CEP112: variants seen among roughly 807,000 people sequenced by gnomAD.
CEP112 encodes the protein centrosomal protein of 112 kDa.
Under a neutral mutation model 153.0 loss-of-function variants are expected in CEP112, and 127 were observed. The observed-to-expected ratio is 0.83, with a 90% confidence interval of 0.72 to 0.96. The LOEUF (loss-of-function observed/expected upper bound fraction) is 0.96, where lower values mean the gene tolerates loss of function less well. Among genes scored for constraint, CEP112 ranks in the 40% least tolerant of loss-of-function variants. The pLI, the probability that CEP112 is intolerant of heterozygous loss-of-function variation, is 0.00. For missense variants in CEP112, 1,089 were observed against 1,101.2 expected (o/e 0.99, Z 0.16); for synonymous variants, 358 against 374.4 (o/e 0.96, Z 0.51).
chr17:65,782,984 T>A (rs1029303916), intron 21 of CEP112, among the ~76,000 whole-genome samples: 9 of 150,932 alleles, frequency 6.0e-5, no homozygotes, highest in East Asian at 3.9e-4. Flanking sequence ...GAAAAAAAAA[T>A]AAAAATAAAA....
intron 12 of CEP112, among the ~76,000 whole-genome samples, chr17:66,033,310 A>G (rs2065573869): frequency 6.6e-6 from 1 of 152,246 alleles, no homozygotes; most frequent in Non-Finnish European, 1.5e-5. Flanking sequence ...AAAGTCACAC[A>G]GAATGAAGAA....
At chr17:65,932,636 T>C (rs1208563260) in intron 18 of CEP112, among the ~76,000 whole-genome samples, 5 of 152,116 alleles carry the variant, frequency 3.3e-5, no homozygotes, top group African/African-American at 7.2e-5. Flanking sequence ...CTTACAATCA[T>C]GGCAGAAGGC....
At position 66,079,359 on chromosome 17, in the gene CEP112, T is replaced by G. The variant is rs187844809; in HGVS notation, c.769-9358A>C. 6.6e-5 allele frequency among the ~76,000 whole-genome samples: 10 copies of G among 152,178 alleles called. No homozygotes were observed. In the East Asian group the frequency reaches 1.9e-3, roughly 29 times the overall value. On this transcript the variant is annotated intron_variant, in intron 8 of 26. Transcript: ENST00000535342. ...AAAGGCAAAAAATTAGAATAAAGTTTATCAAAAAAGGCAAGAAATATGACA... is the reference window on the plus strand; with the variant it reads ...AAAGGCAAAAAATTAGAATAAAGTTGATCAAAAAAGGCAAGAAATATGACA...
chr17:66,117,142 C>T (rs1455701024), intron 6 of CEP112, among the ~76,000 whole-genome samples: 1 of 152,090 alleles, frequency 6.6e-6, no homozygotes, highest in Non-Finnish European at 1.5e-5. Context: ...GATCCACTCG[C>T]CTCAATCTCC....
intron 25 of CEP112, among the ~76,000 whole-genome samples, chr17:65,640,173 T>TTTTTTA (rs1784908307): frequency 1.8e-5 from 2 of 108,702 alleles, no homozygotes; most frequent in African/African-American, 7.2e-5. Context: ...TTTTTTTTTT[T>TTTTTTA]GAGACAGTCT....
At chr17:65,723,547 C>A (rs2050012032) in intron 23 of CEP112, among the ~76,000 whole-genome samples, 1 of 152,110 alleles carries the variant, frequency 6.6e-6, no homozygotes, top group Non-Finnish European at 1.5e-5. Flanking sequence ...TACAGGCTAA[C>A]ATCACTTGCG....
intron 17 of CEP112, among the ~76,000 whole-genome samples, chr17:66,005,299 T>C (rs1369153610): frequency 6.6e-6 from 1 of 152,178 alleles, no homozygotes; most frequent in East Asian, 1.9e-4. Context: ...AATGCCTGTA[T>C]AGTAATCCAT....
intron 24 of CEP112, chr17:65,655,461 G>C: frequency 2.1e-6 from 2 of 967,748 alleles, no homozygotes; most frequent in South Asian, 1.3e-5. Flanking sequence ...ATGGGCCACA[G>C]TGTTTATGTA....
At chr17:66,175,890 A>G (rs181292569) in intron 3 of CEP112, among the ~76,000 whole-genome samples, 5 of 152,344 alleles carry the variant, frequency 3.3e-5, no homozygotes, top group Admixed American at 3.3e-4. Flanking sequence ...TTTCTAAAGA[A>G]AACTCTGCAT....
intron 21 of CEP112, among the ~76,000 whole-genome samples, chr17:65,842,133 A>G (rs1213192856): frequency 6.6e-6 from 1 of 152,110 alleles, no homozygotes; most frequent in African/African-American, 2.4e-5. Flanking sequence ...GACAAAATCA[A>G]TAACCTCTGA....
chr17:66,085,625 A>C (rs2067892202), intron 8 of CEP112, among the ~76,000 whole-genome samples: 1 of 152,250 alleles, frequency 6.6e-6, no homozygotes, highest in Admixed American at 6.5e-5. Flanking sequence ...AATTATGAAT[A>C]AGAATGGGGT....
chr17:66,003,299 CT>C (rs778447493), intron 17 of CEP112, among the ~76,000 whole-genome samples: 3 of 152,166 alleles, frequency 2.0e-5, no homozygotes, highest in Non-Finnish European at 2.9e-5. Flanking sequence ...AAGAGGGTTA[CT>C]TGGCTCAGAA....
chr17:65,746,788 A>G (rs2051500739), intron 22 of CEP112, among the ~76,000 whole-genome samples: 1 of 152,188 alleles, frequency 6.6e-6, no homozygotes, highest in South Asian at 2.1e-4. Context: ...AAGCTAATAT[A>G]TACAATCATA....
At chr17:65,796,587 C>G (rs2054924921) in intron 21 of CEP112, among the ~76,000 whole-genome samples, 1 of 152,152 alleles carries the variant, frequency 6.6e-6, no homozygotes, top group Admixed American at 6.5e-5. Flanking sequence ...GAATTCAAGG[C>G]TGCAGTGAGC....
chr17:66,046,881 G>A (rs1040747975), intron 12 of CEP112, among the ~76,000 whole-genome samples: 2 of 152,078 alleles, frequency 1.3e-5, no homozygotes, highest in Non-Finnish European at 2.9e-5. Context: ...GCCACCAGAA[G>A]CTCCACAGAG....
At chr17:66,040,584 C>T (rs907676599) in intron 12 of CEP112, among the ~76,000 whole-genome samples, 1 of 151,134 alleles carries the variant, frequency 6.6e-6, no homozygotes, top group Non-Finnish European at 1.5e-5. Context: ...GCAGGCTCCA[C>T]CTACTGGTTC....
At chr17:65,933,234 A>G (rs2061186441) in intron 18 of CEP112, among the ~76,000 whole-genome samples, 1 of 152,136 alleles carries the variant, frequency 6.6e-6, no homozygotes, top group South Asian at 2.1e-4. Flanking sequence ...CCAAAGGAGA[A>G]GAGAGAGAGA....
chr17:66,088,274 C>G (rs987709199), intron 8 of CEP112, among the ~76,000 whole-genome samples: 1 of 151,454 alleles, frequency 6.6e-6, no homozygotes, highest in African/African-American at 2.4e-5. Flanking sequence ...ATGCAAGATC[C>G]CACAGCCCCA....
intron 18 of CEP112, among the ~76,000 whole-genome samples, chr17:65,936,143 A>G (rs921853750): frequency 6.6e-6 from 1 of 152,208 alleles, no homozygotes; most frequent in Non-Finnish European, 1.5e-5. Flanking sequence ...ATAGCTGAGG[A>G]AACAGATGAA....
Sources: gnomAD v4.1 joint callset for allele counts (sites outside exome capture counted in the v4.1 genomes callset) on GRCh38, gnomAD v4.1.1 for gene constraint, MANE v1.5 for transcripts, NCBI Gene and HGNC (gene_info 2026-07-23, HGNC 2026-07-21) for gene names.